CCDC192: variants seen among roughly 807,000 people sequenced by gnomAD.
The protein encoded by CCDC192 is coiled-coil domain-containing protein 192.
chr5:127,922,421 T>A (rs557968319), intron 6 of CCDC192, among the ~76,000 whole-genome samples: 95 of 152,306 alleles, frequency 6.2e-4, no homozygotes, highest in African/African-American at 2.3e-3. Context: ...TAAATCGCAA[T>A]GCTTAAGTAC....
chr5:127,844,558 C>T (rs1380628959), intron 5 of CCDC192, among the ~76,000 whole-genome samples: 1 of 152,156 alleles, frequency 6.6e-6, no homozygotes, highest in Non-Finnish European at 1.5e-5. Flanking sequence ...TGCTCCTGCC[C>T]AGGTCACTCT....
intron 6 of CCDC192, among the ~76,000 whole-genome samples, chr5:127,930,240 AAC>A (rs1275075781): frequency 0.011 from 1,669 of 152,038 alleles, 36 homozygotes; most frequent in Non-Finnish European, 0.014. Context: ...AAGTAAACTA[AAC>A]TAAACTAAAC....
At chr5:127,721,944 C>T (rs763778833) in intron 2 of CCDC192, among the ~76,000 whole-genome samples, 1 of 152,294 alleles carries the variant, frequency 6.6e-6, no homozygotes, top group Admixed American at 6.5e-5. Flanking sequence ...CCCAATGATC[C>T]AATCACCCCC....
At chr5:127,785,966 C>G in intron 3 of CCDC192, 1 of 540,754 alleles carries the variant, frequency 1.8e-6, no homozygotes, top group South Asian at 2.0e-5. Flanking sequence ...ATTTTGGGGT[C>G]ATTTAAAGCA....
chr5:127,721,408 C>T (rs1463132774), intron 2 of CCDC192, among the ~76,000 whole-genome samples: 7 of 152,214 alleles, frequency 4.6e-5, no homozygotes, highest in Admixed American at 4.6e-4. Context: ...TACTCCAGTT[C>T]TCAATAAGTT....
At chr5:127,841,226 G>T (rs1313867195) in intron 5 of CCDC192, among the ~76,000 whole-genome samples, 1 of 152,194 alleles carries the variant, frequency 6.6e-6, no homozygotes, top group East Asian at 1.9e-4. Flanking sequence ...TACACTTTTA[G>T]CTTATGGTGA....
intron 5 of CCDC192, among the ~76,000 whole-genome samples, chr5:127,865,921 A>G (rs921771184): frequency 3.3e-5 from 5 of 152,224 alleles, no homozygotes; most frequent in Middle Eastern, 3.4e-3. Flanking sequence ...TAAATAAAGA[A>G]CAGGATAGAA....
intron 2 of CCDC192, among the ~76,000 whole-genome samples, chr5:127,729,307 A>G (rs1646471824): frequency 6.6e-6 from 1 of 152,220 alleles, no homozygotes; most frequent in Non-Finnish European, 1.5e-5. Flanking sequence ...CAACAACAAG[A>G]GCTAACTATC....
intron 6 of CCDC192, among the ~76,000 whole-genome samples, chr5:127,902,555 A>C (rs945857900): frequency 6.6e-6 from 1 of 152,196 alleles, no homozygotes; most frequent in Admixed American, 6.5e-5. Context: ...ATCTGCATGC[A>C]TTCATGAGAC....
intron 5 of CCDC192, among the ~76,000 whole-genome samples, chr5:127,863,304 A>G (rs1751452850): frequency 6.6e-6 from 1 of 152,230 alleles, no homozygotes; most frequent in South Asian, 2.1e-4. Context: ...TATACATACC[A>G]TGGAATAGTA....
intron 3 of CCDC192, among the ~76,000 whole-genome samples, chr5:127,772,095 C>A (rs1755588636): frequency 6.6e-6 from 1 of 152,106 alleles, no homozygotes; most frequent in Non-Finnish European, 1.5e-5. Context: ...TCAATAATGC[C>A]AGCTATCATC....
intron 2 of CCDC192, among the ~76,000 whole-genome samples, chr5:127,708,055 A>C (rs572436353): frequency 2.8e-4 from 43 of 152,262 alleles, no homozygotes; most frequent in African/African-American, 9.6e-4. Flanking sequence ...CTGTGGCCCT[A>C]CAATACTATA....
chr5:127,755,692 A>C (rs549528589), intron 3 of CCDC192, among the ~76,000 whole-genome samples: 9 of 151,956 alleles, frequency 5.9e-5, no homozygotes, highest in African/African-American at 1.7e-4. Context: ...AAAAAAAAAA[A>C]AACTAAGAAT....
chr5:127,773,151 T>A (rs950194966), intron 3 of CCDC192, among the ~76,000 whole-genome samples: 1 of 152,198 alleles, frequency 6.6e-6, no homozygotes, highest in Admixed American at 6.5e-5. Context: ...AGGTTTGTAT[T>A]TATTAATTTA....
At chr5:127,830,260 G>T (rs987437011) in intron 5 of CCDC192, among the ~76,000 whole-genome samples, 1 of 152,150 alleles carries the variant, frequency 6.6e-6, no homozygotes, top group East Asian at 1.9e-4. Flanking sequence ...CCCTGACCAG[G>T]CTTCTAAGAT....
At chr5:127,826,961 T>C (rs200595373) in intron 5 of CCDC192, among the ~76,000 whole-genome samples, 1 of 152,184 alleles carries the variant, frequency 6.6e-6, no homozygotes, top group East Asian at 1.9e-4. Flanking sequence ...TTTTCATCAG[T>C]GTGCTTTTCT....
chr5:127,883,581 C>A (rs756792580), intron 6 of CCDC192, among the ~76,000 whole-genome samples: 4 of 152,204 alleles, frequency 2.6e-5, no homozygotes, highest in African/African-American at 9.7e-5. Flanking sequence ...TATCCCTAAA[C>A]CAAAATCTTC....
intron 3 of CCDC192, chr5:127,786,071 A>T: frequency 1.4e-6 from 1 of 720,428 alleles, no homozygotes; most frequent in Non-Finnish European, 2.5e-6. Flanking sequence ...TGGATTCTAG[A>T]TACAAGATTA....
intron 3 of CCDC192, among the ~76,000 whole-genome samples, chr5:127,787,555 A>G (rs1756618715): frequency 6.6e-6 from 1 of 151,952 alleles, no homozygotes; most frequent in South Asian, 2.1e-4. Flanking sequence ...TCTGTTATTG[A>G]TTTTTAGCTT....
Sources: gnomAD v4.1 joint callset for allele counts (sites outside exome capture counted in the v4.1 genomes callset) on GRCh38, gnomAD v4.1.1 for gene constraint, MANE v1.5 for transcripts, NCBI Gene and HGNC (gene_info 2026-07-23, HGNC 2026-07-21) for gene names.